Variants in ARID1B observed in about 807,000 individuals in gnomAD.
ARID1B encodes the protein AT-rich interaction domain 1B.
A neutral mutation model predicts 212.3 loss-of-function variants in ARID1B; 30 were observed. That is an observed-to-expected ratio of 0.14 (90% confidence interval 0.11 to 0.19). ARID1B has a LOEUF of 0.19. Ranked by LOEUF, ARID1B falls within the 10% of genes least tolerant of loss-of-function variation. The pLI, the probability that ARID1B is intolerant of heterozygous loss-of-function variation, is 1.00. For synonymous variants in ARID1B, 1,402 were observed against 1,301.7 expected (o/e 1.08, Z -1.66); for missense variants, 2,891 against 3,204.0 (o/e 0.90, Z 2.36).
intron 2 of ARID1B, among the ~76,000 whole-genome samples, chr6:156,885,713 CT>C (rs1199648446): frequency 6.6e-6 from 1 of 152,152 alleles, no homozygotes; most frequent in Non-Finnish European, 1.5e-5. Context: ...TACTTTGATA[CT>C]TTATCCAAAG....
At chr6:157,050,320 T>A (rs943181650) in intron 4 of ARID1B, among the ~76,000 whole-genome samples, 1 of 151,598 alleles carries the variant, frequency 6.6e-6, no homozygotes, top group Non-Finnish European at 1.5e-5. Flanking sequence ...CCGAGGCGGG[T>A]GGGTCATGAG....
chr6:157,149,912 T>C (rs1032596523), intron 8 of ARID1B: 5 of 152,226 alleles, frequency 3.3e-5, no homozygotes, highest in Non-Finnish European at 7.3e-5. Flanking sequence ...TCCAGTCTTA[T>C]TGTTTTTTCC....
intron 13 of ARID1B, among the ~76,000 whole-genome samples, chr6:157,188,482 G>C (rs1731622603): frequency 6.6e-6 from 1 of 152,192 alleles, no homozygotes; most frequent in African/African-American, 2.4e-5. Flanking sequence ...CTCGTGGTTT[G>C]TTTCACCTCC....
At chr6:157,188,557 G>A (rs1793139931) in intron 13 of ARID1B, among the ~76,000 whole-genome samples, 1 of 152,164 alleles carries the variant, frequency 6.6e-6, no homozygotes, top group African/African-American at 2.4e-5. Flanking sequence ...TCATAGGAAA[G>A]GCATTCTACA....
At position 157,099,609 on chromosome 6, in the gene ARID1B, T is replaced by C. The variant is rs572515837; in HGVS notation, c.2492-10863T>C. 1.6e-4 allele frequency among the ~76,000 whole-genome samples: 25 copies of C among 152,344 alleles called. No homozygotes were observed. The South Asian group carries it at 3.9e-3, about 24-fold the overall frequency. ...GAGTAACGTTTTATAAGTTGGTCTTTAAGGGCTTTTATGAGGACATAATTC... is the reference window on the plus strand; with the variant it reads ...GAGTAACGTTTTATAAGTTGGTCTTCAAGGGCTTTTATGAGGACATAATTC... On this transcript the variant is annotated intron_variant, in intron 5 of 19. Coordinates refer to ENST00000636930, the MANE Select transcript of ARID1B (RefSeq NM_001374828.1).
At chr6:157,018,981 AAATACG>A (rs1780068611) in intron 4 of ARID1B, among the ~76,000 whole-genome samples, 1 of 152,186 alleles carries the variant, frequency 6.6e-6, no homozygotes, top group Non-Finnish European at 1.5e-5. Flanking sequence ...GGCTGAAAAA[AAATACG>A]GTAGGCTCAG....
intron 2 of ARID1B, among the ~76,000 whole-genome samples, chr6:156,865,633 T>G (rs980438649): frequency 1.3e-5 from 2 of 152,166 alleles, no homozygotes; most frequent in African/African-American, 4.8e-5. Flanking sequence ...TTTACTCTTC[T>G]CTCTTTCTAG....
At chr6:156,884,427 C>G (rs949495529) in intron 2 of ARID1B, among the ~76,000 whole-genome samples, 1 of 152,034 alleles carries the variant, frequency 6.6e-6, no homozygotes, top group Non-Finnish European at 1.5e-5. Context: ...TTGCCAGTTG[C>G]ACGGCAGGTC....
intron 4 of ARID1B, among the ~76,000 whole-genome samples, chr6:157,010,278 G>GTTTTTTTTTTTTTTTTTTTTT (rs367851681): frequency 9.8e-6 from 1 of 102,246 alleles, no homozygotes; most frequent in Admixed American, 9.9e-5. Flanking sequence ...TGCATTGCCT[G>GTTTTTTTTTTTTTTTTTTTTT]TTTTTTTTTT....
At chr6:156,894,072 T>C (rs770254389) in intron 2 of ARID1B, among the ~76,000 whole-genome samples, 3 of 152,168 alleles carry the variant, frequency 2.0e-5, no homozygotes, top group Non-Finnish European at 2.9e-5. Flanking sequence ...TAAACAGTTA[T>C]GCTGTATACA....
intron 3 of ARID1B, among the ~76,000 whole-genome samples, chr6:156,924,600 T>A (rs190979825): frequency 6.6e-6 from 1 of 152,314 alleles, no homozygotes; most frequent in East Asian, 1.9e-4. Context: ...TGTGAATTGT[T>A]TATTTCTGGA....
intron 4 of ARID1B, among the ~76,000 whole-genome samples, chr6:157,033,808 A>G (rs1454365001): frequency 2.0e-5 from 3 of 152,210 alleles, no homozygotes; most frequent in Non-Finnish European, 4.4e-5. Flanking sequence ...TGTTGATTGT[A>G]ACATTTGAAA....
chr6:157,039,205 A>G (rs1781531694), intron 4 of ARID1B, among the ~76,000 whole-genome samples: 1 of 152,102 alleles, frequency 6.6e-6, no homozygotes, highest in Non-Finnish European at 1.5e-5. Flanking sequence ...AGTTGAAACA[A>G]CAGTGAAAAT....
rs746951045 is a variant in ARID1B, at chr6:157,110,527, C to T, written c.2547C>T (p.Pro849=). ...GCCAGTCAGAATCCAGTTCCCATCCCGCCTTGAGCCAGTCACCAATGCCAC... is the reference window on the plus strand; with the variant it reads ...GCCAGTCAGAATCCAGTTCCCATCCTGCCTTGAGCCAGTCACCAATGCCAC... ...PGSQSESSSH[P]ALSQSPMPQE... The change falls in exon 6 of 20, where the codon CCC becomes CCT. Residue 849 remains proline (P), a synonymous_variant. Coordinates refer to ENST00000636930, the MANE Select transcript of ARID1B (RefSeq NM_001374828.1). 1.9e-5 allele frequency: 30 copies of T among 1,614,028 alleles called. No homozygotes were observed. In the East Asian group the frequency reaches 3.1e-4, roughly 17 times the overall value.
At chr6:157,062,098 G>A (rs1236890637) in intron 4 of ARID1B, among the ~76,000 whole-genome samples, 1 of 152,166 alleles carries the variant, frequency 6.6e-6, no homozygotes, top group Non-Finnish European at 1.5e-5. Context: ...AAGCAGTCAT[G>A]ATAAGCCGAA....
At chr6:157,172,204 C>T (rs919297217) in intron 9 of ARID1B, among the ~76,000 whole-genome samples, 2 of 152,150 alleles carry the variant, frequency 1.3e-5, no homozygotes, top group Admixed American at 1.3e-4. Flanking sequence ...ATTCATATCT[C>T]GTTAGACCCC....
At chr6:156,805,906 G>T (rs1781123680) in intron 1 of ARID1B, among the ~76,000 whole-genome samples, 3 of 152,062 alleles carry the variant, frequency 2.0e-5, no homozygotes, top group East Asian at 3.9e-4. Flanking sequence ...CAGAGTCCTG[G>T]CCTCAAGTGA....
At chr6:156,899,337 G>A (rs1788740284) in intron 2 of ARID1B, among the ~76,000 whole-genome samples, 1 of 152,210 alleles carries the variant, frequency 6.6e-6, no homozygotes, top group African/African-American at 2.4e-5. Flanking sequence ...CCCATTGAAG[G>A]ACAGCTGACC....
intron 3 of ARID1B, among the ~76,000 whole-genome samples, chr6:156,917,639 A>G (rs192328464): frequency 1.3e-5 from 2 of 152,374 alleles, no homozygotes; most frequent in East Asian, 3.9e-4. Flanking sequence ...ACTGAAGTAG[A>G]CAATGAGGTC....
Sources: gnomAD v4.1 joint callset for allele counts (sites outside exome capture counted in the v4.1 genomes callset) on GRCh38, gnomAD v4.1.1 for gene constraint, MANE v1.5 for transcripts, NCBI Gene and HGNC (gene_info 2026-07-23, HGNC 2026-07-21) for gene names.